The following SDK1 variants were observed in gnomAD, a reference collection of about 807,000 sequenced individuals.
SDK1 encodes the protein sidekick cell adhesion molecule 1.
In SDK1, 157 loss-of-function variants were observed where a neutral mutation model predicts 245.5. The observed-to-expected ratio is 0.64, with a 90% CI of 0.56 to 0.73. SDK1 has a LOEUF of 0.73. Among genes scored for constraint, SDK1 ranks in the 30% least tolerant of loss-of-function variants. The probability of loss-of-function intolerance (pLI) is 0.00; values close to 1 mark genes in which losing one functional copy is unlikely to be tolerated. For synonymous variants in SDK1, 1,647 were observed against 1,278.5 expected, an observed-to-expected ratio of 1.29 and a Z score of -6.15; for missense variants, 3,583 against 3,002.3, an observed-to-expected ratio of 1.19 and a Z score of -4.52.
At chr7:3,637,619 C>T (rs1323351355) in intron 2 of SDK1, among the ~76,000 whole-genome samples, 1 of 152,140 alleles carries the variant, frequency 6.6e-6, no homozygotes, top group African/African-American at 2.4e-5. Flanking sequence ...CAGCAGTAAA[C>T]CTAAGGCAAG....
At chr7:3,686,036 GAAAGTA>G (rs944040254) in intron 4 of SDK1, among the ~76,000 whole-genome samples, 3 of 151,998 alleles carry the variant, frequency 2.0e-5, no homozygotes, top group African/African-American at 7.2e-5. Context: ...TAAGAGGACA[GAAAGTA>G]AAAGACTAGA....
At chr7:3,536,717 A>C (rs373008596) in intron 1 of SDK1, among the ~76,000 whole-genome samples, 1 of 152,002 alleles carries the variant, frequency 6.6e-6, no homozygotes, top group African/African-American at 2.4e-5. Context: ...AAAACAAAAA[A>C]CAAACCTATG....
chr7:3,484,120 G>A (rs546949779), intron 1 of SDK1, among the ~76,000 whole-genome samples: 11 of 152,230 alleles, frequency 7.2e-5, no homozygotes, highest in African/African-American at 2.4e-4. Context: ...ATATGTGAGG[G>A]GTTGATTCCA....
intron 20 of SDK1, among the ~76,000 whole-genome samples, chr7:4,070,349 T>G (rs1414721946): frequency 3.9e-5 from 6 of 152,120 alleles, no homozygotes; most frequent in African/African-American, 1.4e-4. Flanking sequence ...CACCAAAAAC[T>G]CTGCTTTGCA....
chr7:4,136,129 G>A (rs972623884), intron 28 of SDK1, among the ~76,000 whole-genome samples: 1 of 152,148 alleles, frequency 6.6e-6, no homozygotes, highest in African/African-American at 2.4e-5. Context: ...CGTGCTGAAC[G>A]CTGCTGAATC....
chr7:3,540,755 C>T (rs1779031608), intron 1 of SDK1, among the ~76,000 whole-genome samples: 1 of 152,034 alleles, frequency 6.6e-6, no homozygotes, highest in Non-Finnish European at 1.5e-5. Flanking sequence ...AAGGCTCTGG[C>T]AAGAAAAGAG....
chr7:3,333,656 C>T (rs1780125979), intron 1 of SDK1, among the ~76,000 whole-genome samples: 1 of 152,196 alleles, frequency 6.6e-6, no homozygotes, highest in African/African-American at 2.4e-5. Context: ...CCCTACCCTT[C>T]CCTTCTCTTG....
At chr7:3,980,925 G>A (rs945466507) in intron 13 of SDK1, among the ~76,000 whole-genome samples, 1 of 148,680 alleles carries the variant, frequency 6.7e-6, no homozygotes, top group Non-Finnish European at 1.5e-5. Flanking sequence ...GAGCTACAGA[G>A]CGAGACTCCA....
intron 17 of SDK1, among the ~76,000 whole-genome samples, chr7:4,027,755 A>G (rs748489253): frequency 2.6e-5 from 4 of 151,952 alleles, no homozygotes; most frequent in Non-Finnish European, 4.4e-5. Flanking sequence ...AATATCAAAA[A>G]TAAAAATGTG....
intron 1 of SDK1, among the ~76,000 whole-genome samples, chr7:3,589,395 CAG>C (rs1453702841): frequency 1.3e-5 from 2 of 152,216 alleles, no homozygotes; most frequent in East Asian, 3.8e-4. Context: ...TGTCAGTGCA[CAG>C]ACTCTTCCCG....
At chr7:3,824,712 T>C (rs1476236227) in intron 5 of SDK1, among the ~76,000 whole-genome samples, 1 of 152,170 alleles carries the variant, frequency 6.6e-6, no homozygotes, top group Admixed American at 6.5e-5. Flanking sequence ...CCCTTTTCAA[T>C]TGCTAGATAC....
intron 1 of SDK1, among the ~76,000 whole-genome samples, chr7:3,501,367 A>T (rs1782207564): frequency 7.5e-6 from 1 of 133,688 alleles, no homozygotes; most frequent in Non-Finnish European, 1.6e-5. Flanking sequence ...GGGCTAGGGA[A>T]TCAGGAAAAA....
At chr7:4,100,064 G>C (rs964854530) in intron 22 of SDK1, among the ~76,000 whole-genome samples, 1 of 152,216 alleles carries the variant, frequency 6.6e-6, no homozygotes, top group African/African-American at 2.4e-5. Context: ...AGCCACTGCT[G>C]CTCTCCTCAC....
intron 1 of SDK1, among the ~76,000 whole-genome samples, chr7:3,458,165 T>C (rs758479831): frequency 1.3e-5 from 2 of 152,114 alleles, no homozygotes; most frequent in Non-Finnish European, 2.9e-5. Flanking sequence ...TGATGTGGCA[T>C]GGTGGCCTTG....
chr7:3,324,365 C>G (rs1001612814), intron 1 of SDK1, among the ~76,000 whole-genome samples: 1 of 152,020 alleles, frequency 6.6e-6, no homozygotes, highest in Non-Finnish European at 1.5e-5. Context: ...TTACTAGTAC[C>G]CTAGAAGCCT....
intron 1 of SDK1, among the ~76,000 whole-genome samples, chr7:3,391,322 CAT>C (rs761661797): frequency 1.3e-5 from 2 of 152,160 alleles, no homozygotes; most frequent in African/African-American, 4.8e-5. Context: ...ATCAAGCACA[CAT>C]GACCTTGGTT....
At position 3,907,370 on chromosome 7, in the gene SDK1, C is replaced by T. The variant is rs150202185; in HGVS notation, c.848-43553C>T. On this transcript the variant is annotated intron_variant, in intron 5 of 44. Coordinates refer to ENST00000404826, the MANE Select transcript of SDK1 (RefSeq NM_152744.4). ...GCATATTCGAAATATTTCACATATT[C>T]GTCCTTTTGTGTCTGGCTTATTTTA... Among the ~76,000 whole-genome samples the T allele has an allele frequency of 1.2e-3, 185 of 152,288 alleles. 2 individuals are homozygous for T. The highest frequency in any genetic ancestry group is 4.1e-3 in the African/African-American group (171 of 41,552).
chr7:4,148,014 C>A (rs917295811), intron 29 of SDK1, among the ~76,000 whole-genome samples: 2 of 151,372 alleles, frequency 1.3e-5, no homozygotes, highest in Non-Finnish European at 2.9e-5. Context: ...ATTATCCGGA[C>A]CAGAGATTTC....
At chr7:4,250,511 T>G (rs1562481608) in intron 44 of SDK1, among the ~76,000 whole-genome samples, 1 of 152,012 alleles carries the variant, frequency 6.6e-6, no homozygotes, top group African/African-American at 2.4e-5. Flanking sequence ...GCCCAGCTGA[T>G]TTTTGGTATT....
Sources: allele counts gnomAD v4.1 joint callset (sites outside exome capture counted in the v4.1 genomes callset), GRCh38; gene constraint gnomAD v4.1.1; transcripts MANE v1.5; gene names NCBI Gene and HGNC (gene_info 2026-07-23, HGNC 2026-07-21).